Variants in ELFN2 observed in about 807,000 individuals in gnomAD.
ELFN2 encodes the protein protein phosphatase 1 regulatory subunit 29.
In ELFN2, 17 loss-of-function variants were observed where a neutral mutation model predicts 45.5. That is an observed-to-expected ratio of 0.37 (90% CI 0.26 to 0.56). The LOEUF (loss-of-function observed/expected upper bound fraction) is 0.56. ELFN2 is among the 20% of genes least tolerant of loss of function. The pLI is 0.77. For missense variants in ELFN2, 922 were observed against 1,183.2 expected, an observed-to-expected ratio of 0.78 and a Z score of 3.24; for synonymous variants, 550 against 551.5, an observed-to-expected ratio of 1.00 and a Z score of 0.04.
At chr22:37,356,611 G>A (rs569113913) in intron 1 of ELFN2, among the ~76,000 whole-genome samples, 21 of 152,250 alleles carry the variant, frequency 1.4e-4, no homozygotes, top group African/African-American at 5.1e-4. Context: ...CCTCAGGTAC[G>A]TCAGCTAAAT....
intron 1 of ELFN2, among the ~76,000 whole-genome samples, chr22:37,355,169 CT>C (rs1930919046): frequency 6.6e-6 from 1 of 152,172 alleles, no homozygotes; most frequent in South Asian, 2.1e-4. Context: ...CAGGTGCTTG[CT>C]AGCCAGTGGG....
intron 2 of ELFN2, among the ~76,000 whole-genome samples, chr22:37,409,789 G>A (rs1932600218): frequency 1.3e-5 from 2 of 152,332 alleles, no homozygotes; most frequent in South Asian, 4.1e-4. Context: ...TGAGAAGGGT[G>A]CTCAGGGTGC....
intron 2 of ELFN2, among the ~76,000 whole-genome samples, chr22:37,414,701 G>A (rs966254941): frequency 1.3e-5 from 2 of 152,104 alleles, no homozygotes; most frequent in African/African-American, 4.8e-5. Flanking sequence ...TGACAGCATC[G>A]GGACATGAAC....
At chr22:37,401,061 G>T (rs1466080616) in intron 2 of ELFN2, among the ~76,000 whole-genome samples, 1 of 152,262 alleles carries the variant, frequency 6.6e-6, no homozygotes, top group Non-Finnish European at 1.5e-5. Context: ...CTCCAAGGGA[G>T]TCAGTCAAAC....
chr22:37,423,266 G>T (rs1932824032), intron 1 of ELFN2, among the ~76,000 whole-genome samples: 1 of 152,166 alleles, frequency 6.6e-6, no homozygotes, highest in Non-Finnish European at 1.5e-5. Flanking sequence ...CACCCACGAG[G>T]CCCCTCCTTT....
Position 37,416,101 on chromosome 22 carries a change from G to A in ELFN2, c.-463+1668C>T, listed in dbSNP as rs529279259. On this transcript the variant is annotated intron_variant, in intron 2 of 2. Transcript: ENST00000402918. Reference sequence around the variant, plus strand: ...ATGTGCCTCATCTCCATTTTACAGAGGGGGAAACTGAGGCCAGAGGTCCTC... The same window carrying A: ...ATGTGCCTCATCTCCATTTTACAGAAGGGGAAACTGAGGCCAGAGGTCCTC... 1.9e-4 allele frequency among the ~76,000 whole-genome samples: 29 copies of A among 152,348 alleles called. No individual in the cohort carries two copies. The South Asian group carries it at 5.6e-3, about 29-fold the overall frequency.
downstream of ELFN2, among the ~76,000 whole-genome samples, chr22:37,365,310 G>A (rs973080902): frequency 6.6e-6 from 1 of 152,196 alleles, no homozygotes; most frequent in African/African-American, 2.4e-5. Context: ...GGAATATTCA[G>A]CTAAACAACT....
intron 2 of ELFN2, among the ~76,000 whole-genome samples, chr22:37,406,796 GGT>G (rs1329968650): frequency 5.3e-5 from 8 of 152,274 alleles, no homozygotes; most frequent in Non-Finnish European, 1.0e-4. Context: ...ATGGGAGGGT[GGT>G]GGTGCAGGGG....
At chr22:37,376,638 G>A (rs901935712) in intron 2 of ELFN2, among the ~76,000 whole-genome samples, 21 of 152,276 alleles carry the variant, frequency 1.4e-4, no homozygotes, top group African/African-American at 4.1e-4. Context: ...GCAGAATATC[G>A]CAGCTGTGGG....
chr22:37,367,246 C>G (rs998856136), downstream of ELFN2, among the ~76,000 whole-genome samples: 1 of 152,200 alleles, frequency 6.6e-6, no homozygotes, highest in South Asian at 2.1e-4. Context: ...GAGGCTTGGG[C>G]GGTTCAGCCT....
At chr22:37,355,320 A>T (rs5756645) in intron 1 of ELFN2, among the ~76,000 whole-genome samples, 1 of 152,212 alleles carries the variant, frequency 6.6e-6, no homozygotes, top group Non-Finnish European at 1.5e-5. Context: ...AGTCAGCCTC[A>T]TAGGTCGGCC....
At chr22:37,407,236 A>G (rs1319236034) in intron 2 of ELFN2, among the ~76,000 whole-genome samples, 1 of 152,154 alleles carries the variant, frequency 6.6e-6, no homozygotes, top group Non-Finnish European at 1.5e-5. Context: ...AGGCTCTGGG[A>G]AAGTCCTTGC....
chr22:37,364,497 G>T (rs1931159546), downstream of ELFN2, among the ~76,000 whole-genome samples: 2 of 152,180 alleles, frequency 1.3e-5, no homozygotes, highest in African/African-American at 4.8e-5. Context: ...CAGGAAAACA[G>T]TGAGGGGCCA....
intron 2 of ELFN2, among the ~76,000 whole-genome samples, chr22:37,416,362 G>A (rs1932759701): frequency 6.6e-6 from 1 of 152,154 alleles, no homozygotes; most frequent in South Asian, 2.1e-4. Context: ...GGTGACCTTG[G>A]GCAAGTCACT....
At chr22:37,365,281 A>G (rs1931178971), downstream of ELFN2, among the ~76,000 whole-genome samples, 1 of 152,204 alleles carries the variant, frequency 6.6e-6, no homozygotes, top group African/African-American at 2.4e-5. Context: ...TTGTTGAGGC[A>G]GGGGGAGCTT....
intron 1 of ELFN2, among the ~76,000 whole-genome samples, chr22:37,346,377 C>T (rs1166330759): frequency 6.6e-6 from 1 of 152,002 alleles, no homozygotes; most frequent in Non-Finnish European, 1.5e-5. Context: ...CAGTCTCCAG[C>T]ACCTCCTACC....
chr22:37,385,346 C>G (rs1043101823), intron 2 of ELFN2: 1 of 152,264 alleles, frequency 6.6e-6, no homozygotes. Context: ...CTTCCAGCCT[C>G]CACGGCCCCA....
chr22:37,385,642 GA>G (rs1157278578), intron 2 of ELFN2, among the ~76,000 whole-genome samples: 3 of 152,190 alleles, frequency 2.0e-5, no homozygotes, highest in Admixed American at 6.5e-5. Context: ...AACAAGGGGG[GA>G]ACCCCAGAGT....
At chr22:37,420,568 G>C (rs1378303518) in intron 1 of ELFN2, 2 of 152,676 alleles carry the variant, frequency 1.3e-5, no homozygotes, top group Non-Finnish European at 2.9e-5. Flanking sequence ...AAGGTGCTGG[G>C]GCAGGCCCGC....
Sources: gnomAD v4.1 joint callset for allele counts (sites outside exome capture counted in the v4.1 genomes callset) on GRCh38, gnomAD v4.1.1 for gene constraint, MANE v1.5 for transcripts, NCBI Gene and HGNC (gene_info 2026-07-23, HGNC 2026-07-21) for gene names.